Variants in RIMS2 observed in about 807,000 individuals in gnomAD.
RIMS2 encodes the protein regulating synaptic membrane exocytosis protein 2.
A neutral mutation model predicts 174.4 loss-of-function variants in RIMS2; 59 were observed. That is an observed-to-expected ratio of 0.34 (90% CI 0.27 to 0.42). RIMS2 has a LOEUF of 0.42. RIMS2 is among the 10% of genes least tolerant of loss of function. The pLI is 1.00. For synonymous variants in RIMS2, 606 were observed against 572.5 expected (o/e 1.06, Z -0.84); for missense variants, 1,620 against 1,666.3 (o/e 0.97, Z 0.48).
chr8:103,738,485 G>A (rs1201239603), intron 2 of RIMS2, among the ~76,000 whole-genome samples: 3 of 152,148 alleles, frequency 2.0e-5, no homozygotes, highest in Admixed American at 6.6e-5. Context: ...AGGACTTCAC[G>A]TCTAAAACAC....
intron 19 of RIMS2, among the ~76,000 whole-genome samples, chr8:104,160,269 T>C (rs981904790): frequency 2.8e-4 from 42 of 152,228 alleles, no homozygotes; most frequent in Middle Eastern, 3.2e-3. Flanking sequence ...ACATCTCTGG[T>C]ACCTAAGATA....
At chr8:103,721,552 T>C (rs2097448926) in intron 2 of RIMS2, among the ~76,000 whole-genome samples, 1 of 152,200 alleles carries the variant, frequency 6.6e-6, no homozygotes, top group Non-Finnish European at 1.5e-5. Flanking sequence ...GTGATAGAGT[T>C]CACAGAAAGT....
intron 17 of RIMS2, among the ~76,000 whole-genome samples, chr8:104,000,196 T>C (rs1184646187): frequency 6.6e-6 from 1 of 151,568 alleles, no homozygotes; most frequent in East Asian, 1.9e-4. Context: ...CCCCTCTTCA[T>C]CTCCTTCTCT....
intron 2 of RIMS2, among the ~76,000 whole-genome samples, chr8:103,753,592 G>C (rs779539681): frequency 3.3e-5 from 5 of 152,124 alleles, no homozygotes; most frequent in African/African-American, 7.2e-5. Context: ...ATTAGTTATT[G>C]CCTCAATTTC....
At chr8:103,960,381 G>A (rs1430687269) in intron 14 of RIMS2, among the ~76,000 whole-genome samples, 2 of 152,158 alleles carry the variant, frequency 1.3e-5, no homozygotes, top group Non-Finnish European at 2.9e-5. Flanking sequence ...TAATAACTAT[G>A]AGTGCCTTTC....
At chr8:103,758,770 A>C (rs921523959) in intron 2 of RIMS2, among the ~76,000 whole-genome samples, 1 of 152,242 alleles carries the variant, frequency 6.6e-6, no homozygotes, top group Non-Finnish European at 1.5e-5. Context: ...AAGAAAGGTT[A>C]AAAGTTTAGA....
At chr8:104,133,260 A>G (rs2098487704) in intron 19 of RIMS2, among the ~76,000 whole-genome samples, 1 of 152,150 alleles carries the variant, frequency 6.6e-6, no homozygotes, top group African/African-American at 2.4e-5. Context: ...GTGGCTAAAG[A>G]GTTGTTTACA....
intron 19 of RIMS2, among the ~76,000 whole-genome samples, chr8:104,175,093 A>C (rs11997479): frequency 0.023 from 3,491 of 152,260 alleles, 116 homozygotes; most frequent in African/African-American, 0.073. Flanking sequence ...TGATGAATAC[A>C]TACTCTTCTT....
At position 103,570,080 on chromosome 8, in the gene RIMS2, T is replaced by C. The variant is rs895795484; in HGVS notation, c.176+69018T>C. ...CTCAGTTCTTAAGACTTTTGTCAAA[T>C]ATCACGTGTTCCAGGAAGTTTTTAC... On this transcript the variant is annotated intron_variant, in intron 1 of 23. Transcript: ENST00000504942. Among the ~76,000 whole-genome samples, 10 of 152,220 alleles carry C rather than the reference T, an allele frequency of 6.6e-5. 1 individual carries two copies. The highest frequency in any genetic ancestry group is 2.4e-4 in the African/African-American group (10 of 41,460).
At chr8:104,121,884 C>T (rs1032038928) in intron 19 of RIMS2, among the ~76,000 whole-genome samples, 6 of 152,280 alleles carry the variant, frequency 3.9e-5, no homozygotes, top group African/African-American at 1.4e-4. Context: ...TCACTTGAAT[C>T]CGGAAGGCGG....
intron 19 of RIMS2, among the ~76,000 whole-genome samples, chr8:104,150,256 G>A (rs1421384956): frequency 2.6e-5 from 4 of 152,074 alleles, no homozygotes; most frequent in Non-Finnish European, 5.9e-5. Context: ...AAGACTACAA[G>A]TTAGAAAATA....
intron 1 of RIMS2, among the ~76,000 whole-genome samples, chr8:103,579,353 G>A (rs1341756695): frequency 2.0e-5 from 3 of 151,754 alleles, no homozygotes; most frequent in Non-Finnish European, 2.9e-5. Flanking sequence ...AAAAATACAT[G>A]CAAAAAGAAA....
chr8:103,609,690 G>T (rs974742424), intron 1 of RIMS2, among the ~76,000 whole-genome samples: 1 of 151,862 alleles, frequency 6.6e-6, no homozygotes, highest in Non-Finnish European at 1.5e-5. Context: ...CTGTTCCATT[G>T]GCCTATGTGT....
chr8:103,936,870 C>T (rs72681385), intron 13 of RIMS2, 148 bp downstream of exon 15: 68,388 of 491,194 alleles, frequency 0.14, 6,180 homozygotes, highest in Non-Finnish European at 0.18. Context: ...CCGAGGGGGG[C>T]GGATCACGAG....
chr8:103,574,398 G>T (rs1407857549), intron 1 of RIMS2, among the ~76,000 whole-genome samples: 2 of 152,142 alleles, frequency 1.3e-5, no homozygotes, highest in Non-Finnish European at 2.9e-5. Context: ...TTATATAAAA[G>T]CAAGCATCTC....
At chr8:103,947,054 A>G (rs1224345704) in intron 14 of RIMS2, among the ~76,000 whole-genome samples, 2 of 152,176 alleles carry the variant, frequency 1.3e-5, no homozygotes, top group South Asian at 4.1e-4. Flanking sequence ...ATCCACATAC[A>G]AAATAGTTAA....
At chr8:104,096,866 GC>G (rs1156406545) in intron 19 of RIMS2, among the ~76,000 whole-genome samples, 1 of 139,554 alleles carries the variant, frequency 7.2e-6, no homozygotes, top group Non-Finnish European at 1.5e-5. Flanking sequence ...GACTCCATCC[GC>G]CCCCCACCAA....
chr8:103,665,760 C>T (rs1314767261), intron 1 of RIMS2, among the ~76,000 whole-genome samples: 1 of 151,766 alleles, frequency 6.6e-6, no homozygotes, highest in African/African-American at 2.4e-5. Context: ...CCTGAATTTT[C>T]CATTTGCTTT....
At chr8:103,792,313 G>A (rs2098506941) in intron 3 of RIMS2, among the ~76,000 whole-genome samples, 1 of 152,188 alleles carries the variant, frequency 6.6e-6, no homozygotes, top group Non-Finnish European at 1.5e-5. Context: ...ACCTGCTCCT[G>A]AATGACTACT....
Sources: allele counts gnomAD v4.1 joint callset (sites outside exome capture counted in the v4.1 genomes callset), GRCh38; gene constraint gnomAD v4.1.1; transcripts MANE v1.5; gene names NCBI Gene and HGNC (gene_info 2026-07-23, HGNC 2026-07-21).